The following MARK2 variants were observed in gnomAD, a reference collection of about 807,000 sequenced individuals.
The protein encoded by MARK2 is microtubule affinity regulating kinase 2.
In MARK2, 16 loss-of-function variants were observed where a neutral mutation model predicts 89.8. The observed-to-expected ratio is 0.18, with a 90% CI of 0.12 to 0.27. The LOEUF (loss-of-function observed/expected upper bound fraction) is 0.27, where lower values mean the gene tolerates loss of function less well. Ranked by LOEUF, MARK2 falls within the 10% of genes least tolerant of loss-of-function variation. The probability of loss-of-function intolerance (pLI) is 1.00; values close to 1 mark genes in which losing one functional copy is unlikely to be tolerated. For synonymous variants in MARK2, 382 were observed against 399.5 expected (o/e 0.96, Z 0.52); for missense variants, 621 against 1,049.9 (o/e 0.59, Z 5.65).
intron 18 of MARK2, 30 bp from the exon 19 acceptor site, chr11:63,908,847 C>CA (rs769750628): frequency 2.2e-5 from 32 of 1,436,024 alleles, no homozygotes; most frequent in Non-Finnish European, 2.8e-5. Flanking sequence ...CTCAGCCCCC[C>CA]CGTGACGCCC....
At chr11:63,850,963 C>T (rs546947042) in intron 1 of MARK2, among the ~76,000 whole-genome samples, 1 of 152,192 alleles carries the variant, frequency 6.6e-6, no homozygotes, top group Admixed American at 6.6e-5. Context: ...TTCCTTTCTT[C>T]AAGTACGGTA....
intron 1 of MARK2, among the ~76,000 whole-genome samples, chr11:63,874,809 C>G (rs1375561196): frequency 6.6e-6 from 1 of 152,182 alleles, no homozygotes; most frequent in African/African-American, 2.4e-5. Context: ...CATGGTAGAG[C>G]TGTCAGGGTA....
chr11:63,848,448 C>A (rs1167729990), intron 1 of MARK2, among the ~76,000 whole-genome samples: 3 of 152,022 alleles, frequency 2.0e-5, no homozygotes, highest in Non-Finnish European at 4.4e-5. Flanking sequence ...TACAGTGGCA[C>A]AATCTCAGCT....
intron 1 of MARK2, among the ~76,000 whole-genome samples, chr11:63,882,873 C>A (rs574957665): frequency 3.7e-4 from 57 of 152,308 alleles, no homozygotes; most frequent in African/African-American, 1.3e-3. Context: ...GGAAGCCCAG[C>A]CACCTCAGCT....
At position 63,895,642 on chromosome 11, in the gene MARK2, A is replaced by G. The variant is rs765187651; in HGVS notation, c.288+9A>G. The G allele has an allele frequency of 1.9e-6, 3 of 1,556,986 alleles. No individual in the cohort carries two copies. The highest frequency in any genetic ancestry group is 1.1e-5 in the South Asian group (1 of 89,666). Reference sequence around the variant, plus strand: ...CCTCCAGCCTCCAGAAAGTAAGCACATGGCACCTCCTGTCCCTTTTTTTTT... The same window carrying G: ...CCTCCAGCCTCCAGAAAGTAAGCACGTGGCACCTCCTGTCCCTTTTTTTTT... On this transcript the variant is annotated intron_variant, in intron 3 of 18. Coordinates refer to ENST00000402010, the MANE Select transcript of MARK2 (RefSeq NM_001039469.3).
chr11:63,853,702 T>G (rs1031361080), intron 1 of MARK2, among the ~76,000 whole-genome samples: 10 of 152,184 alleles, frequency 6.6e-5, no homozygotes, highest in African/African-American at 2.4e-4. Context: ...GTAACATGGA[T>G]CAAGGAAGTG....
At chr11:63,848,116 G>T (rs2016373521) in intron 1 of MARK2, among the ~76,000 whole-genome samples, 1 of 152,204 alleles carries the variant, frequency 6.6e-6, no homozygotes, top group Non-Finnish European at 1.5e-5. Context: ...GCACTAGGAA[G>T]TCTTTCTCAG....
rs950865849 is a variant in MARK2 at position 63,902,964 on chromosome 11, G to A, written c.1417-97G>A. ...AACCTACCACTGTCTGCTTCAGGTGGAAGGGACAGGAAGCCTGTTCCATGA... is the reference window on the plus strand; with the variant it reads ...AACCTACCACTGTCTGCTTCAGGTGAAAGGGACAGGAAGCCTGTTCCATGA... On this transcript the variant is annotated intron_variant, in intron 13 of 18. Coordinates refer to ENST00000402010, the MANE Select transcript of MARK2 (RefSeq NM_001039469.3). The surrounding 1 kb of genome is among the most constrained non-coding windows in gnomAD (Gnocchi z 4.2). The A allele has an allele frequency of 5.2e-5, 61 of 1,162,670 alleles. No individual in the cohort carries two copies. The South Asian group carries it at 7.6e-4, about 14-fold the overall frequency. 72.0% of individuals were successfully genotyped at this position (1,162,670 alleles called of 1,614,324 possible). A position where few individuals can be genotyped will look rare whatever the true frequency, so the allele number is the denominator to read the frequency against.
In MARK2 at chr11:63,910,652, A is replaced by ATTTTTTTTTTTTTT. The variant is rs750155967; in HGVS notation, c.*1416_*1429dup. ...GTTTTATTTTTTATTATTTTATTTT[A>ATTTTTTTTTTTTTT]TTTTTTTTTTTTTTGATTTATGATG... On this transcript the variant is annotated 3_prime_UTR_variant, in exon 19 of 19. Coordinates refer to ENST00000402010, the MANE Select transcript of MARK2 (RefSeq NM_001039469.3). The ATTTTTTTTTTTTTT allele has an allele frequency of 9.5e-5, 13 of 137,418 alleles. No individual in the cohort carries two copies. The highest frequency in any genetic ancestry group is 4.3e-4 in the East Asian group (2 of 4,690). The allele number at this position is 137,418 out of a possible 1,614,324, so 8.5% of individuals were successfully genotyped here. A position where few individuals can be genotyped will look rare whatever the true frequency, so the allele number is the denominator to read the frequency against.
chr11:63,890,183 C>T, intron 1 of MARK2: 1 of 1,276,434 alleles, frequency 7.8e-7, no homozygotes, highest in South Asian at 1.2e-5. Flanking sequence ...GAGACTCTCT[C>T]CTCTCTTTTC....
intron 1 of MARK2, among the ~76,000 whole-genome samples, chr11:63,861,003 C>G (rs1355770030): frequency 1.3e-5 from 2 of 152,160 alleles, no homozygotes; most frequent in African/African-American, 2.4e-5. Context: ...TTTCCCATCA[C>G]TCAGCAAGTC....
intron 17 of MARK2, 55 bp from the exon 18 acceptor site, chr11:63,908,205 G>T: frequency 6.7e-7 from 1 of 1,493,438 alleles, no homozygotes; most frequent in Non-Finnish European, 9.1e-7. Flanking sequence ...GGTCTGTGGC[G>T]GCGGAAGGAG....
At position 63,899,103 on chromosome 11, in the gene MARK2, T is replaced by C. The variant is rs932775387; in HGVS notation, c.526T>C (p.Leu176=). 6.2e-7 allele frequency: 1 copy of C among 1,608,198 alleles called. No homozygotes were observed. The highest frequency in any genetic ancestry group is 8.5e-7 in the Non-Finnish European group (1 of 1,175,636). The change falls in exon 7 of 19, where the codon TTA becomes CTA. Residue 176 remains leucine, a synonymous_variant. Transcript: ENST00000402010. ...CHQKFIVHRD[L]KAENLLLDAD... ...CCAGAAGTTTATTGTCCATAGAGAC[T>C]TAAAGGTAAGGCATGCACTTCTCCT...
intron 1 of MARK2, among the ~76,000 whole-genome samples, chr11:63,858,351 A>AT (rs1937584896): frequency 7.0e-6 from 1 of 142,642 alleles, no homozygotes; most frequent in South Asian, 2.2e-4. Context: ...ATAGTGTAAC[A>AT]TTTTCTCAGT....
At chr11:63,842,463 C>T (rs1012092513) in intron 1 of MARK2, among the ~76,000 whole-genome samples, 1 of 152,000 alleles carries the variant, frequency 6.6e-6, no homozygotes, top group African/African-American at 2.4e-5. Context: ...GATCCGGCCT[C>T]CCAAAGTGCT....
intron 17 of MARK2, among the ~76,000 whole-genome samples, chr11:63,907,513 G>A (rs1054689772): frequency 1.3e-5 from 2 of 152,168 alleles, no homozygotes; most frequent in African/African-American, 4.8e-5. Flanking sequence ...TTCCAGCCAG[G>A]AGCTGGAGAA....
intron 1 of MARK2, chr11:63,888,689 A>G: frequency 8.4e-7 from 1 of 1,185,974 alleles, no homozygotes; most frequent in Non-Finnish European, 1.1e-6. Flanking sequence ...TCCTTGCCAA[A>G]CCCAGTCTCT....
intron 18 of MARK2, 76 bp from the exon 19 acceptor site, chr11:63,908,801 G>T: frequency 7.2e-7 from 1 of 1,386,992 alleles, no homozygotes; most frequent in Non-Finnish European, 9.4e-7. Flanking sequence ...GGGCTCAGGG[G>T]CTGTCTGCCA....
chr11:63,891,077 T>A (rs1939814970), intron 1 of MARK2, among the ~76,000 whole-genome samples: 2 of 152,160 alleles, frequency 1.3e-5, no homozygotes, highest in Admixed American at 1.3e-4. Context: ...TGTTTGTGTG[T>A]GTGTGTGTGT....
Sources: gnomAD v4.1 joint callset for allele counts (sites outside exome capture counted in the v4.1 genomes callset) on GRCh38, gnomAD v4.1.1 for gene constraint, Gnocchi (gnomAD v3.1) non-coding constraint, MANE v1.5 for transcripts, NCBI Gene and HGNC (gene_info 2026-07-23, HGNC 2026-07-21) for gene names.